RAB14: variants seen among roughly 807,000 people sequenced by gnomAD.
The protein encoded by RAB14 is RAB14, member RAS oncogene family, also known as ras-related protein Rab-14.
A neutral mutation model predicts 31.1 loss-of-function variants in RAB14; 3 were observed. That is an observed-to-expected ratio of 0.10 (90% CI 0.04 to 0.25). The LOEUF is 0.25. Among genes scored for constraint, RAB14 ranks in the 10% least tolerant of loss-of-function variants. The probability of loss-of-function intolerance (pLI) is 1.00; values close to 1 mark genes in which losing one functional copy is unlikely to be tolerated. For missense variants in RAB14, 111 were observed against 260.1 expected (o/e 0.43, Z 3.94); for synonymous variants, 85 against 84.9 (o/e 1.00, Z 0.00).
chr9:121,191,061 G>A (rs1205914170), intron 3 of RAB14, among the ~76,000 whole-genome samples: 2 of 152,136 alleles, frequency 1.3e-5, no homozygotes, highest in Non-Finnish European at 2.9e-5. Context: ...AAACAGGCAT[G>A]GTTGTATTCC....
At chr9:121,196,393 C>A (rs1224357797) in intron 1 of RAB14, among the ~76,000 whole-genome samples, 1 of 152,162 alleles carries the variant, frequency 6.6e-6, no homozygotes, top group Non-Finnish European at 1.5e-5. Context: ...ATAAGAAATA[C>A]AATTGTGAGT....
chr9:121,185,400 T>A (rs1011616031), intron 5 of RAB14, among the ~76,000 whole-genome samples: 2 of 152,146 alleles, frequency 1.3e-5, no homozygotes, highest in African/African-American at 4.8e-5. Flanking sequence ...GATTTCAGTT[T>A]TTACACATTC....
In RAB14 at chr9:121,181,063, G is replaced by T; in HGVS notation, c.*333C>A. The T allele has an allele frequency of 5.1e-6, 1 of 194,388 alleles. No homozygotes were observed. The highest frequency in any genetic ancestry group is 1.0e-5 in the Non-Finnish European group (1 of 95,698). The allele number at this position is 194,388 out of a possible 1,614,324, so 12.0% of individuals were successfully genotyped here. ...AAATTAAACCGTACAGTGAGACAAAGCCTTGCCAAAGGGAGGGTAAAAATC... is the reference window on the plus strand; with the variant it reads ...AAATTAAACCGTACAGTGAGACAAATCCTTGCCAAAGGGAGGGTAAAAATC... On this transcript the variant is annotated 3_prime_UTR_variant, in exon 8 of 8. Coordinates refer to ENST00000373840, the MANE Select transcript of RAB14 (RefSeq NM_016322.4).
At chr9:121,191,380 C>CG (rs1432810956) in intron 3 of RAB14, among the ~76,000 whole-genome samples, 1 of 152,054 alleles carries the variant, frequency 6.6e-6, no homozygotes, top group Non-Finnish European at 1.5e-5. Context: ...CTCTGTCACC[C>CG]ATGTTGGAGT....
At chr9:121,183,014 C>T in intron 6 of RAB14, 54 bp from the exon 7 acceptor site, 1 of 1,516,056 alleles carries the variant, frequency 6.6e-7, no homozygotes, top group South Asian at 1.2e-5. Context: ...CTCACAAGTG[C>T]ACTTCTTTAG....
At chr9:121,192,417 T>G (rs775646150) in intron 2 of RAB14, among the ~76,000 whole-genome samples, 193 bp from the exon 3 acceptor site, 1 of 152,154 alleles carries the variant, frequency 6.6e-6, no homozygotes, top group Non-Finnish European at 1.5e-5. Flanking sequence ...TCTTTAGCAG[T>G]GACAGAATTT....
At chr9:121,195,509 G>A (rs778025384) in intron 1 of RAB14, among the ~76,000 whole-genome samples, 5 of 151,998 alleles carry the variant, frequency 3.3e-5, no homozygotes, top group Non-Finnish European at 7.4e-5. Context: ...CCCAATTTTA[G>A]TTGTACTAAT....
At chr9:121,199,102 G>C (rs149308322) in intron 1 of RAB14, among the ~76,000 whole-genome samples, 1 of 152,058 alleles carries the variant, frequency 6.6e-6, no homozygotes, top group Admixed American at 6.6e-5. Context: ...TTTACAGAAA[G>C]AAAGCACTTA....
At chr9:121,197,319 C>A (rs1202353478) in intron 1 of RAB14, among the ~76,000 whole-genome samples, 1 of 152,030 alleles carries the variant, frequency 6.6e-6, no homozygotes, top group African/African-American at 2.4e-5. Context: ...ATGAAACATA[C>A]CAGTTTTCAC....
At chr9:121,200,031 A>G (rs775539731) in intron 1 of RAB14, among the ~76,000 whole-genome samples, 1 of 152,224 alleles carries the variant, frequency 6.6e-6, no homozygotes, top group Non-Finnish European at 1.5e-5. Flanking sequence ...ATTTAATCCT[A>G]GCAACAACTC....
intron 1 of RAB14, among the ~76,000 whole-genome samples, chr9:121,199,372 C>T (rs1373460300): frequency 6.6e-6 from 1 of 152,118 alleles, no homozygotes; most frequent in Non-Finnish European, 1.5e-5. Flanking sequence ...AAGTACAGTA[C>T]CTCTAATACT....
intron 1 of RAB14, among the ~76,000 whole-genome samples, chr9:121,198,020 A>AACACACACACACAC (rs58467154): frequency 4.0e-5 from 6 of 149,858 alleles, no homozygotes; most frequent in African/African-American, 1.5e-4. Context: ...CCCACTTTCA[A>AACACACACACACAC]ACACACACAC....
chr9:121,192,473 G>A (rs1360001917), intron 2 of RAB14, among the ~76,000 whole-genome samples: 2 of 151,894 alleles, frequency 1.3e-5, no homozygotes, highest in Non-Finnish European at 2.9e-5. Context: ...GCTGGGAAGT[G>A]CTTATTTTTT....
intron 2 of RAB14, among the ~76,000 whole-genome samples, chr9:121,192,747 T>C (rs963151727): frequency 1.3e-5 from 2 of 152,118 alleles, no homozygotes; most frequent in Non-Finnish European, 2.9e-5. Flanking sequence ...CTGACTGTAC[T>C]ATAGCAATGT....
chr9:121,193,251 C>T, intron 2 of RAB14, 110 bp downstream of exon 2: 2 of 699,936 alleles, frequency 2.9e-6, no homozygotes, highest in East Asian at 3.1e-5. Flanking sequence ...TTTAGTTTTA[C>T]AGTAAGAAAA....
At position 121,192,489 on chromosome 9, in the gene RAB14, G is replaced by C. The variant is rs1305797511; in HGVS notation, c.53-265C>G. ...CTGGGAAGTGCTTATTTTTTTAATG[G>C]AATTTTTTTTACTTTGAGCTGTTTC... On this transcript the variant is annotated intron_variant, in intron 2 of 7. Transcript: ENST00000373840. Among the ~76,000 whole-genome samples, 4 of 151,762 alleles carry C rather than the reference G, an allele frequency of 2.6e-5. No individual in the cohort carries two copies. The East Asian group carries it at 7.7e-4, about 29-fold the overall frequency.
chr9:121,183,215 A>T (rs2132021955), intron 6 of RAB14, 96 bp downstream of exon 6: 3 of 675,732 alleles, frequency 4.4e-6, no homozygotes, highest in Admixed American at 3.6e-5. Flanking sequence ...GTCTGCATTT[A>T]AAAAAAAAAT....
At chr9:121,183,175 T>C (rs1157800201) in intron 6 of RAB14, 136 bp downstream of exon 6, 3 of 808,786 alleles carry the variant, frequency 3.7e-6, no homozygotes, top group African/African-American at 1.7e-5. Context: ...TAGAAACACA[T>C]TGTTACTTCC....
At position 121,180,405 on chromosome 9, in the gene RAB14, A is replaced by G. The variant is rs1166468725; in HGVS notation, c.*991T>C. On this transcript the variant is annotated 3_prime_UTR_variant, in exon 8 of 8. Transcript: ENST00000373840. ...CAAAAAGAGAAAAGCAGGTTAGCAC[A>G]TTGTCGATTGCACAAGAACAGTTAA... 1 of 152,702 alleles carries G rather than the reference A, an allele frequency of 6.5e-6. No homozygotes were observed. The highest frequency in any genetic ancestry group is 6.5e-5 in the Admixed American group (1 of 15,288). 9.5% of individuals were successfully genotyped at this position (152,702 alleles called of 1,614,324 possible).
Sources: allele counts gnomAD v4.1 joint callset (sites outside exome capture counted in the v4.1 genomes callset), GRCh38; gene constraint gnomAD v4.1.1; transcripts MANE v1.5; gene names NCBI Gene and HGNC (gene_info 2026-07-23, HGNC 2026-07-21).